The following MYO16 variants were observed in gnomAD, a reference collection of about 807,000 sequenced individuals.
MYO16 encodes unconventional myosin-XVI.
MYO16 carries 94 observed loss-of-function variants against 205.3 expected under a neutral mutation model. That is an observed-to-expected ratio of 0.46 (90% confidence interval 0.39 to 0.54). The LOEUF is 0.54. Among genes scored for constraint, MYO16 ranks in the 20% least tolerant of loss-of-function variants. MYO16 has a pLI of 0.00. For synonymous variants in MYO16, 988 were observed against 954.0 expected, an observed-to-expected ratio of 1.04 and a Z score of -0.66; for missense variants, 2,315 against 2,387.5, an observed-to-expected ratio of 0.97 and a Z score of 0.63.
chr13:109,106,881 G>T (rs148107061), intron 28 of MYO16, among the ~76,000 whole-genome samples: 2 of 152,176 alleles, frequency 1.3e-5, no homozygotes, highest in South Asian at 4.1e-4. Flanking sequence ...TGTGTGTCCC[G>T]TTTGAGGCAG....
rs1296064000 is a variant in MYO16, at chr13:109,052,358, C to A, written c.2931C>A (p.Ser977=). ...LFQSKLSQTG[S]LVSAYPSFKF... Reference sequence around the variant, plus strand: ...AGTCGAAATTGTCACAAACAGGATCCCTCGTATCTGCCTATCCTTCCTTTA... The same window carrying A: ...AGTCGAAATTGTCACAAACAGGATCACTCGTATCTGCCTATCCTTCCTTTA... The change falls in exon 25 of 35, where the codon TCC becomes TCA. Residue 977 remains serine, a synonymous_variant. Transcript: ENST00000457511. 6.2e-7 allele frequency: 1 copy of A among 1,612,952 alleles called. No homozygotes were observed. The highest frequency in any genetic ancestry group is 1.7e-5 in the Admixed American group (1 of 59,896).
the MYO16 span, among the ~76,000 whole-genome samples, chr13:108,569,847 C>T: frequency 6.6e-6 from 1 of 151,996 alleles, no homozygotes; most frequent in African/African-American, 2.4e-5. Flanking sequence ...TTTTAACATG[C>T]GCTATTATTG....
At chr13:108,564,561 G>A in the MYO16 span, among the ~76,000 whole-genome samples, 4 of 152,124 alleles carry the variant, frequency 2.6e-5, no homozygotes, top group Non-Finnish European at 5.9e-5. Context: ...TCTCTTGTCA[G>A]ATGGGTAGTT....
chr13:109,039,134 C>T (rs1317706354), intron 23 of MYO16, among the ~76,000 whole-genome samples: 1 of 152,172 alleles, frequency 6.6e-6, no homozygotes, highest in Non-Finnish European at 1.5e-5. Flanking sequence ...ATTCTTCTTG[C>T]ATATCAGAGG....
At chr13:109,172,809 AAAC>A (rs1421612689) in intron 33 of MYO16, among the ~76,000 whole-genome samples, 2 of 133,208 alleles carry the variant, frequency 1.5e-5, no homozygotes, top group Non-Finnish European at 3.2e-5. Flanking sequence ...TATCCAACAG[AAAC>A]AACAATTACA....
chr13:108,970,115 G>T (rs1883953890), intron 20 of MYO16, among the ~76,000 whole-genome samples: 1 of 152,180 alleles, frequency 6.6e-6, no homozygotes, highest in African/African-American at 2.4e-5. Context: ...GCAGCATTAT[G>T]GATAATATTA....
chr13:109,057,242 C>A (rs775803661), intron 27 of MYO16, among the ~76,000 whole-genome samples: 1 of 152,032 alleles, frequency 6.6e-6, no homozygotes, highest in Non-Finnish European at 1.5e-5. Flanking sequence ...AGAAAATAAA[C>A]AACATATGAG....
the MYO16 span, among the ~76,000 whole-genome samples, chr13:108,542,976 T>A: frequency 2.6e-5 from 4 of 152,132 alleles, no homozygotes; most frequent in Non-Finnish European, 4.4e-5. Context: ...TATGTCAACA[T>A]CAACCTGAAG....
intron 23 of MYO16, among the ~76,000 whole-genome samples, chr13:109,038,478 AT>A (rs1886783024): frequency 6.6e-6 from 1 of 152,036 alleles, no homozygotes; most frequent in Non-Finnish European, 1.5e-5. Context: ...TTAGACTGGA[AT>A]CTACACTATT....
chr13:108,914,384 C>G (rs2139244552), intron 16 of MYO16, among the ~76,000 whole-genome samples: 1 of 152,160 alleles, frequency 6.6e-6, no homozygotes, highest in East Asian at 1.9e-4. Context: ...CACATGAACA[C>G]AGCATCTCTT....
chr13:109,011,678 C>A (rs562732066), intron 22 of MYO16, among the ~76,000 whole-genome samples: 1 of 151,904 alleles, frequency 6.6e-6, no homozygotes, highest in South Asian at 2.1e-4. Context: ...CCACACCTGG[C>A]TAATTTTTGT....
At chr13:108,710,617 G>C (rs769436515) in intron 2 of MYO16, among the ~76,000 whole-genome samples, 9 of 152,148 alleles carry the variant, frequency 5.9e-5, no homozygotes, top group Admixed American at 3.3e-4. Context: ...GAGTACAACT[G>C]TCCATTGTTC....
chr13:109,089,687 G>A (rs1171756090), intron 27 of MYO16, among the ~76,000 whole-genome samples: 1 of 152,174 alleles, frequency 6.6e-6, no homozygotes, highest in Non-Finnish European at 1.5e-5. Context: ...TGCTAGCTTT[G>A]CAATAAACTG....
At chr13:108,910,444 G>T (rs1457785557) in intron 16 of MYO16, among the ~76,000 whole-genome samples, 4 of 152,162 alleles carry the variant, frequency 2.6e-5, no homozygotes, top group African/African-American at 9.7e-5. Context: ...CATGAGTTAT[G>T]CACTCCTAAT....
At chr13:109,097,576 G>A (rs1205310617) in intron 27 of MYO16, among the ~76,000 whole-genome samples, 2 of 152,216 alleles carry the variant, frequency 1.3e-5, no homozygotes, top group Non-Finnish European at 1.5e-5. Flanking sequence ...TACACGGCGT[G>A]TAAGAAATCA....
chr13:109,071,150 A>T (rs932789267), intron 27 of MYO16, among the ~76,000 whole-genome samples: 18 of 152,270 alleles, frequency 1.2e-4, no homozygotes, highest in African/African-American at 1.9e-4. Context: ...ATATTTTTTT[A>T]AAAAACACGT....
At chr13:108,842,414 G>T (rs548389178) in intron 9 of MYO16, among the ~76,000 whole-genome samples, 5 of 151,768 alleles carry the variant, frequency 3.3e-5, no homozygotes, top group Non-Finnish European at 7.4e-5. Context: ...ACAGCTCACT[G>T]TAAAAAAAAA....
rs188994705 is a variant in MYO16 at position 109,080,471 on chromosome 13, T to C, written c.3336-20314T>C. ...TCCAGGAAGCTGATGACTTTTATTC[T>C]TTTTCTTAGGAATATCTTGGGTTAG... On this transcript the variant is annotated intron_variant, in intron 27 of 34. Transcript: ENST00000457511. Among the ~76,000 whole-genome samples, 184 of 152,290 alleles carry C rather than the reference T, an allele frequency of 1.2e-3. 1 individual carries two copies. The highest frequency in any genetic ancestry group is 4.4e-3 in the African/African-American group (181 of 41,574).
chr13:108,861,206 C>T (rs1566374730), intron 11 of MYO16, among the ~76,000 whole-genome samples: 1 of 152,194 alleles, frequency 6.6e-6, no homozygotes, highest in Non-Finnish European at 1.5e-5. Flanking sequence ...TCCCAATCCA[C>T]ACTTAGTCAT....
Sources: allele counts gnomAD v4.1 joint callset (sites outside exome capture counted in the v4.1 genomes callset), GRCh38; gene constraint gnomAD v4.1.1; transcripts MANE v1.5; gene names NCBI Gene and HGNC (gene_info 2026-07-23, HGNC 2026-07-21).